USP34: variants seen among roughly 807,000 people sequenced by gnomAD.
USP34 encodes ubiquitin carboxyl-terminal hydrolase 34.
Under a neutral mutation model 460.3 loss-of-function variants are expected in USP34, and 70 were observed. The ratio of observed to expected loss-of-function variants is 0.15; its 90% CI spans 0.13 to 0.19. USP34 has a LOEUF of 0.19. Among genes scored for constraint, USP34 ranks in the 10% least tolerant of loss-of-function variants. The pLI is 1.00. For missense variants in USP34, 3,985 were observed against 4,236.2 expected, an observed-to-expected ratio of 0.94 and a Z score of 1.65; for synonymous variants, 1,647 against 1,405.3, an observed-to-expected ratio of 1.17 and a Z score of -3.85.
In USP34 at chr2:61,406,016, A is replaced by G. The variant is rs1185332008; in HGVS notation, c.244T>C (p.Cys82Arg). Residue 82 changes from cysteine (C) to arginine (R), a missense_variant, in exon 3 of 80, where the codon TGT (cysteine) becomes CGT (arginine). By Grantham distance (180) the Cys-to-Arg change is radical. Coordinates refer to ENST00000398571, the MANE Select transcript of USP34 (RefSeq NM_014709.4). Reference protein sequence around the residue: ...AQVQVLRDQLCKHCTTINIDS... With the variant: ...AQVQVLRDQLRKHCTTINIDS... Reference sequence around the variant, plus strand: ...ATGTTAATGGTAGTACAATGTTTACAAAGCTGGTCCCGGAGCACTTGAACT... The same window carrying G: ...ATGTTAATGGTAGTACAATGTTTACGAAGCTGGTCCCGGAGCACTTGAACT... 2 of 1,613,894 alleles carry G rather than the reference A, an allele frequency of 1.2e-6. No individual in the cohort carries two copies. The highest frequency in any genetic ancestry group is 2.2e-5 in the South Asian group (2 of 91,074).
In USP34 at chr2:61,188,681, C is replaced by T. The variant is rs755998973; in HGVS notation, c.10062G>A (p.Arg3354=). 4 of 1,613,810 alleles carry T rather than the reference C, an allele frequency of 2.5e-6. No homozygotes were observed. The highest frequency in any genetic ancestry group is 3.4e-6 in the Non-Finnish European group (4 of 1,179,930). The change falls in exon 80 of 80, where the codon AGG becomes AGA. Residue 3354 remains arginine (R), a synonymous_variant. Transcript: ENST00000398571. ...KDDEGATPIK[R]RRVSSDEEHT... is the part of the protein sequence containing the mutation. ...GCTCCTCATCACTGCTAACACGCCGCCTTTTAATGGGAGTTGCTCCTTCAT... is the reference window on the plus strand; with the variant it reads ...GCTCCTCATCACTGCTAACACGCCGTCTTTTAATGGGAGTTGCTCCTTCAT...
chr2:61,286,758 G>A (rs772965014), intron 34 of USP34, among the ~76,000 whole-genome samples: 2 of 152,046 alleles, frequency 1.3e-5, no homozygotes, highest in African/African-American at 2.4e-5. Flanking sequence ...GAAAAAGTTC[G>A]CTTGTGTATT....
intron 27 of USP34, among the ~76,000 whole-genome samples, chr2:61,310,974 G>A (rs1558523442): frequency 6.6e-6 from 1 of 152,100 alleles, no homozygotes; most frequent in South Asian, 2.1e-4. Context: ...TTTGCAAATA[G>A]CATCTGAAGC....
chr2:61,270,448 T>G (rs1689177944), intron 41 of USP34, among the ~76,000 whole-genome samples: 1 of 152,194 alleles, frequency 6.6e-6, no homozygotes, highest in Admixed American at 6.5e-5. Flanking sequence ...TTTTATTTTA[T>G]TTATTTTTGA....
rs1020780603 is a variant in USP34, at chr2:61,442,414, A to G, written c.44-21581T>C. Reference sequence around the variant, plus strand: ...CTCAAACATCTTAACAGCAAAAAAAAAAAAAAAGAAAAAATCCAATTAAAA... The same window carrying G: ...CTCAAACATCTTAACAGCAAAAAAAGAAAAAAAGAAAAAATCCAATTAAAA... On this transcript the variant is annotated intron_variant, in intron 1 of 79. Coordinates refer to ENST00000398571, the MANE Select transcript of USP34 (RefSeq NM_014709.4). Among the ~76,000 whole-genome samples the G allele has an allele frequency of 2.6e-5, 4 of 151,570 alleles. No homozygotes were observed. The South Asian group carries it at 8.3e-4, about 31-fold the overall frequency.
At chr2:61,269,255 G>A (rs773241050) in intron 41 of USP34, among the ~76,000 whole-genome samples, 2 of 151,802 alleles carry the variant, frequency 1.3e-5, no homozygotes, top group Non-Finnish European at 2.9e-5. Context: ...CAATCTCCCA[G>A]GCTCAGTCAA....
chr2:61,372,410 T>A (rs903328133), intron 8 of USP34, among the ~76,000 whole-genome samples: 3 of 152,176 alleles, frequency 2.0e-5, no homozygotes, highest in African/African-American at 7.2e-5. Flanking sequence ...AATTCCACTA[T>A]TATTTAAGTC....
At chr2:61,374,178 ACAG>A (rs1391205071) in intron 8 of USP34, among the ~76,000 whole-genome samples, 3 of 146,828 alleles carry the variant, frequency 2.0e-5, no homozygotes, top group African/African-American at 7.6e-5. Context: ...AAAAAAAAAA[ACAG>A]AGAAAATGAG....
Position 61,188,727 on chromosome 2 carries a change from A to AT in USP34, c.10034-19_10034-18insA. On this transcript the variant is annotated intron_variant, in intron 79 of 79. Transcript: ENST00000398571. ...TTCATCATCTGTGAAAACACATGCC[A>AT]AAAGGGAAACTTCTCTGAAAGTCAT... The AT allele has an allele frequency of 6.2e-7, 1 of 1,604,128 alleles. No homozygotes were observed. The highest frequency in any genetic ancestry group is 8.5e-7 in the Non-Finnish European group (1 of 1,175,768).
rs1687833234 is a variant in USP34, at chr2:61,229,548, C to T, written c.7199G>A (p.Gly2400Glu). ...HLYLQPGMED[G>E]SDDMDTSVED... is the part of the protein sequence containing the mutation. ...AACTTATTCAAAAAGTACTTCTTACCCATCTTCCATTCCTGGCTGCAAATA... is the reference window on the plus strand; with the variant it reads ...AACTTATTCAAAAAGTACTTCTTACTCATCTTCCATTCCTGGCTGCAAATA... Residue 2400 changes from glycine (G) to glutamate (E), a missense_variant and splice_region_variant, in exon 59 of 80, where the codon GGG (glycine) becomes GAG (glutamate). Gly to Glu is a moderately conservative substitution (Grantham distance 98). This residue lies in a region of USP34 where 604 missense variants were observed against 684.8 expected (regional missense o/e 0.88). Coordinates refer to ENST00000398571, the MANE Select transcript of USP34 (RefSeq NM_014709.4). 2 of 1,606,142 alleles carry T rather than the reference C, an allele frequency of 1.2e-6. No homozygotes were observed. Among genetic ancestry groups the T allele is most frequent in the Non-Finnish European group, 1.7e-6 (2 of 1,176,210 alleles).
chr2:61,386,232 T>C (rs1219615466), intron 5 of USP34, among the ~76,000 whole-genome samples: 1 of 152,036 alleles, frequency 6.6e-6, no homozygotes, highest in African/African-American at 2.4e-5. Flanking sequence ...GAGGCCAAGA[T>C]GGAAGGATCA....
chr2:61,446,082 C>G (rs1040728830), intron 1 of USP34, among the ~76,000 whole-genome samples: 1 of 143,736 alleles, frequency 7.0e-6, no homozygotes, highest in African/African-American at 2.6e-5. Context: ...CCACTGCACT[C>G]CAGTCTGGGT....
rs1238210540 is a variant in USP34 at position 61,248,529 on chromosome 2, T to C, written c.6376A>G (p.Lys2126Glu). The C allele has an allele frequency of 1.0e-5, 16 of 1,565,750 alleles. No homozygotes were observed. The highest frequency in any genetic ancestry group is 3.7e-5 in the Admixed American group (2 of 54,390). ...AAATCACCTTCTTTCCTCTCACTCTTTCCCATAAGAAAATCTTCTGTATAG... is the reference window on the plus strand; with the variant it reads ...AAATCACCTTCTTTCCTCTCACTCTCTCCCATAAGAAAATCTTCTGTATAG... ...TPYTEDFLMG[K>E]SERKEGFKEV... The change falls in exon 49 of 80, where the codon AAG becomes GAG. Residue 2126 changes from lysine to glutamate, a missense_variant. By Grantham distance (56) the Lys-to-Glu change is moderately conservative. Coordinates refer to ENST00000398571, the MANE Select transcript of USP34 (RefSeq NM_014709.4).
chr2:61,234,374 A>G (rs1209671767), intron 57 of USP34, among the ~76,000 whole-genome samples: 1 of 152,212 alleles, frequency 6.6e-6, no homozygotes, highest in African/African-American at 2.4e-5. Flanking sequence ...AGATGGCAAT[A>G]TGATTAAGCT....
intron 33 of USP34, among the ~76,000 whole-genome samples, chr2:61,290,041 T>A (rs1429962007): frequency 6.6e-6 from 1 of 152,114 alleles, no homozygotes; most frequent in South Asian, 2.1e-4. Context: ...ATCTCACAAC[T>A]ATATACTAAG....
chr2:61,405,246 A>AG lies in USP34; in HGVS notation c.552+461_552+462insC, dbSNP rs1553384269. 4.7e-5 allele frequency among the ~76,000 whole-genome samples: 7 copies of AG among 147,468 alleles called. No individual in the cohort carries two copies. The South Asian group carries it at 8.4e-4, about 18-fold the overall frequency. ...AGACTCCATCTCAAAAAAAAAAAAA[A>AG]AAAAAAAAAAAGAAAGAAAGAAAGA... On this transcript the variant is annotated intron_variant, in intron 3 of 79. Coordinates refer to ENST00000398571, the MANE Select transcript of USP34 (RefSeq NM_014709.4).
In USP34 at chr2:61,188,543, A is replaced by C; in HGVS notation, c.10200T>G (p.Thr3400=). ...TTTCAGGGGAAGGAAGATCTTGCTCAGTTCCTGGATCAATAATTGAGGAGT... is the reference window on the plus strand; with the variant it reads ...TTTCAGGGGAAGGAAGATCTTGCTCCGTTCCTGGATCAATAATTGAGGAGT... The part of the protein sequence containing the change: ...TRDSSIIDPG[T]EQDLPSPENS... The change falls in exon 80 of 80, where the codon ACT becomes ACG. Residue 3400 remains threonine (T), a synonymous_variant. Coordinates refer to ENST00000398571, the MANE Select transcript of USP34 (RefSeq NM_014709.4). 1 of 1,614,212 alleles carries C rather than the reference A, an allele frequency of 6.2e-7. No homozygotes were observed.
In USP34 at chr2:61,420,748, C is replaced by G. The variant is rs1456594725; in HGVS notation, c.129G>C (p.Gln43His). 5.6e-6 allele frequency: 9 copies of G among 1,604,902 alleles called. No individual in the cohort carries two copies. The highest frequency in any genetic ancestry group is 7.7e-6 in the Non-Finnish European group (9 of 1,176,096). The change falls in exon 2 of 80, where the codon CAG (glutamine) becomes CAC (histidine). Residue 43 changes from glutamine to histidine, a missense_variant and splice_region_variant. This residue lies in a region of USP34 where 331 missense variants were observed against 293.7 expected (regional missense o/e 1.13). Coordinates refer to ENST00000398571, the MANE Select transcript of USP34 (RefSeq NM_014709.4). ...KIFTYINSWT[Q>H]RQCLCCFKEY... ...TCGAAATACCTAAAGATGCATACCT[C>G]TGTGTCCAGGAATTGATATAAGTAA...
At chr2:61,208,698 T>C (rs946541232) in intron 70 of USP34, 1 of 331,768 alleles carries the variant, frequency 3.0e-6, no homozygotes, top group Non-Finnish European at 5.5e-6. Flanking sequence ...AGTATGGAAT[T>C]ACTATGGAAA....
Sources: gnomAD v4.1 joint callset for allele counts (sites outside exome capture counted in the v4.1 genomes callset) on GRCh38, gnomAD v4.1.1 for gene constraint, gnomAD v4.1.1 regional missense constraint, MANE v1.5 for transcripts, NCBI Gene and HGNC (gene_info 2026-07-23, HGNC 2026-07-21) for gene names.